Variants in CELSR1 observed in about 807,000 individuals in gnomAD.
The protein encoded by CELSR1 is adhesion G protein-coupled receptor C1.
A neutral mutation model predicts 249.1 loss-of-function variants in CELSR1; 110 were observed. That is an observed-to-expected ratio of 0.44 (90% CI 0.38 to 0.52). The LOEUF (loss-of-function observed/expected upper bound fraction) is 0.52. CELSR1 is among the 20% of genes least tolerant of loss of function. The pLI is 0.00. For missense variants in CELSR1, 4,109 were observed against 4,296.4 expected (o/e 0.96, Z 1.22); for synonymous variants, 2,113 against 1,900.0 (o/e 1.11, Z -2.92).
In CELSR1 at chr22:46,486,169, G is replaced by A. The variant is rs185669418; in HGVS notation, c.3545-21824C>T. Among the ~76,000 whole-genome samples the A allele has an allele frequency of 1.7e-4, 26 of 151,424 alleles. 1 individual carries two copies. In the East Asian group the frequency reaches 5.1e-3, roughly 30 times the overall value. ...TTAGCCAGGATGGTCTCGATCTCCT[G>A]ACCTCGTGATCCGCCAGCCTCGGCC... is the stretch of plus-strand genomic sequence containing the variant. On this transcript the variant is annotated intron_variant, in intron 1 of 34. Coordinates refer to ENST00000674500, the MANE Select transcript of CELSR1 (RefSeq NM_001378328.1).
intron 2 of CELSR1, among the ~76,000 whole-genome samples, chr22:46,439,760 T>A (rs372813409): frequency 5.9e-5 from 9 of 152,206 alleles, no homozygotes; most frequent in East Asian, 3.9e-4. Flanking sequence ...TGGACTCTTC[T>A]GAGGGGAACG....
intron 2 of CELSR1, among the ~76,000 whole-genome samples, chr22:46,449,830 G>C (rs1231470911): frequency 6.6e-6 from 1 of 152,156 alleles, no homozygotes; most frequent in Non-Finnish European, 1.5e-5. Context: ...ACCAGAAAGG[G>C]TGGGCACAGC....
chr22:46,508,124 G>A (rs986518667), intron 1 of CELSR1, among the ~76,000 whole-genome samples: 5 of 152,136 alleles, frequency 3.3e-5, no homozygotes, highest in South Asian at 2.1e-4. Flanking sequence ...TTTGTGACTC[G>A]GCCCTGCAGG....
intron 33 of CELSR1, 58 bp downstream of exon 33, chr22:46,364,454 G>C: frequency 6.4e-7 from 1 of 1,556,678 alleles, no homozygotes; most frequent in Non-Finnish European, 8.7e-7. Flanking sequence ...CTCCAGACCA[G>C]GGACTGGCCC....
chr22:46,373,396 T>C (rs1239838673), intron 24 of CELSR1, among the ~76,000 whole-genome samples: 1 of 147,074 alleles, frequency 6.8e-6, no homozygotes, highest in Non-Finnish European at 1.5e-5. Flanking sequence ...CCAAGGCAGC[T>C]TCACACCCAG....
Position 46,441,851 on chromosome 22 carries a change from T to C in CELSR1, c.4184-2440A>G, listed in dbSNP as rs545710371. ...GACTAGTGAACATTAAACTTTATTA[T>C]CCATTTTTAAAAATAAAGAGATCAC... is the stretch of plus-strand genomic sequence containing the variant. On this transcript the variant is annotated intron_variant, in intron 2 of 34. Transcript: ENST00000674500. The surrounding 1 kb of genome is among the most constrained non-coding windows in gnomAD (Gnocchi z 6.1). Among the ~76,000 whole-genome samples, 3 of 152,298 alleles carry C rather than the reference T, an allele frequency of 2.0e-5. No homozygotes were observed. In the South Asian group the frequency reaches 6.2e-4, roughly 32 times the overall value.
At position 46,464,153 on chromosome 22, in the gene CELSR1, T is replaced by C. The variant is rs377104478; in HGVS notation, c.3737A>G (p.Asn1246Ser). ...GCTGACGTCGGTGTCGTTCTGGACG[T>C]TGAAGACGAAGACGTCGTCCTTGGT... Reference protein sequence around the residue: ...STTKDDVFVFNVQNDTDVSSN... With the variant: ...STTKDDVFVFSVQNDTDVSSN... The change falls in exon 2 of 35, where the codon AAC (asparagine) becomes AGC (serine). Residue 1246 changes from asparagine to serine, a missense_variant. Transcript: ENST00000674500. The surrounding 1 kb of genome is among the most constrained non-coding windows in gnomAD (Gnocchi z 8.5). 6.2e-6 allele frequency: 10 copies of C among 1,613,774 alleles called. No individual in the cohort carries two copies. Among genetic ancestry groups the C allele is most frequent in the South Asian group, 2.2e-5 (2 of 91,084 alleles).
chr22:46,517,775 G>A lies in CELSR1; in HGVS notation c.3544+15852C>T, dbSNP rs188941411. ...GAAGCGAGGGCTGCATTGAAGAGGC[G>A]ACTCCCATGGCTATGGCACTTGGCA... is the stretch of plus-strand genomic sequence containing the variant. On this transcript the variant is annotated intron_variant, in intron 1 of 34. Coordinates refer to ENST00000674500, the MANE Select transcript of CELSR1 (RefSeq NM_001378328.1). The surrounding 1 kb of genome is among the most constrained non-coding windows in gnomAD (Gnocchi z 5.4). 7.2e-5 allele frequency among the ~76,000 whole-genome samples: 11 copies of A among 152,260 alleles called. No individual in the cohort carries two copies. The highest frequency in any genetic ancestry group is 4.1e-4 in the South Asian group (2 of 4,820).
chr22:46,424,287 C>T (rs1345593423), intron 5 of CELSR1, among the ~76,000 whole-genome samples: 1 of 151,612 alleles, frequency 6.6e-6, no homozygotes, highest in Non-Finnish European at 1.5e-5. Context: ...CTATGTTGCC[C>T]AGGCTGATCT....
At position 46,536,763 on chromosome 22, in the gene CELSR1, G is replaced by A. The variant is rs573452441; in HGVS notation, c.408C>T (p.Pro136=). The change falls in exon 1 of 35, where the codon CCC becomes CCT. Residue 136 remains proline, a synonymous_variant. Transcript: ENST00000674500. ...RLCGALCFPV[P]GGCAAAQHSA... ...AATGCTGCGCGGCCGCGCAGCCGCC[G>A]GGGACGGGGAAGCAGAGCGCCCCGC... 2,919 of 1,182,968 alleles carry A rather than the reference G, an allele frequency of 2.5e-3. 45 individuals are homozygous for A. The African/African-American group carries it at 0.038, about 15-fold the overall frequency. The allele number at this position is 1,182,968 out of a possible 1,614,324, so 73.3% of individuals were successfully genotyped here.
In CELSR1 at chr22:46,422,933, T is replaced by C. The variant is rs114739584; in HGVS notation, c.4611+10460A>G. Among the ~76,000 whole-genome samples, 1,457 of 152,316 alleles carry C rather than the reference T, an allele frequency of 9.6e-3. 22 individuals are homozygous for C. Among genetic ancestry groups the C allele is most frequent in the African/African-American group, 0.034 (1,404 of 41,550 alleles). On this transcript the variant is annotated intron_variant, in intron 5 of 34. Transcript: ENST00000674500. The stretch of plus-strand genomic sequence containing the variant: ...TTCCCATTGGTATCCACCTTTGCTA[T>C]AAGGGCCACGATGATGCCTCCTGCA...
chr22:46,393,117 A>C lies in CELSR1; in HGVS notation c.5964+1025T>G, dbSNP rs1454165977. Among the ~76,000 whole-genome samples the C allele has an allele frequency of 6.6e-5, 10 of 151,996 alleles. No individual in the cohort carries two copies. The highest frequency in any genetic ancestry group is 1.2e-4 in the Non-Finnish European group (8 of 67,940). On this transcript the variant is annotated intron_variant, in intron 14 of 34. Coordinates refer to ENST00000674500, the MANE Select transcript of CELSR1 (RefSeq NM_001378328.1). The surrounding 1 kb of genome is among the most constrained non-coding windows in gnomAD (Gnocchi z 4.1). ...GTGCCCTGGTACCAGCTTCCCTCCT[A>C]GGGCCAGCCGCATCTGCAGGAAGCT... is the stretch of plus-strand genomic sequence containing the variant.
intron 25 of CELSR1, among the ~76,000 whole-genome samples, chr22:46,370,858 T>G (rs190031495): frequency 5.9e-5 from 9 of 152,332 alleles, no homozygotes; most frequent in Non-Finnish European, 1.3e-4. Context: ...TTTTAAGATC[T>G]TGTACAAGAC....
At position 46,402,036 on chromosome 22, in the gene CELSR1, C is replaced by T. The variant is rs945525680; in HGVS notation, c.5227-2134G>A. Reference sequence around the variant, plus strand: ...TCGGGAGGCGGAGGTAGCAGTGAACCGAGATCACGCCACCGCACTCCAGCC... The same window carrying T: ...TCGGGAGGCGGAGGTAGCAGTGAACTGAGATCACGCCACCGCACTCCAGCC... On this transcript the variant is annotated intron_variant, in intron 9 of 34. Transcript: ENST00000674500. The surrounding 1 kb of genome is among the most constrained non-coding windows in gnomAD (Gnocchi z 5.0). Among the ~76,000 whole-genome samples the T allele has an allele frequency of 6.6e-6, 1 of 151,890 alleles. No individual in the cohort carries two copies. Among genetic ancestry groups the T allele is most frequent in the Admixed American group, 6.6e-5 (1 of 15,238 alleles).
In CELSR1 at chr22:46,406,111, G is replaced by A. The variant is rs557252142; in HGVS notation, c.5226+2885C>T. On this transcript the variant is annotated intron_variant, in intron 9 of 34. Transcript: ENST00000674500. The surrounding 1 kb of genome is among the most constrained non-coding windows in gnomAD (Gnocchi z 5.4). ...TTCCAGCACCATTCCTACTGAAAGC[G>A]CACTTTTTTCCTACAGAGACCCCAC... 4.0e-4 allele frequency among the ~76,000 whole-genome samples: 61 copies of A among 152,176 alleles called. No homozygotes were observed. The highest frequency in any genetic ancestry group is 7.6e-4 in the Non-Finnish European group (52 of 68,044).
chr22:46,375,539 CTTTTTTTTTTTTTT>C (rs971800051), intron 24 of CELSR1, among the ~76,000 whole-genome samples: 8 of 120,584 alleles, frequency 6.6e-5, no homozygotes, highest in Non-Finnish European at 1.7e-5. Context: ...CTGCCAGGCT[CTTTTTTTTTTTTTT>C]TTTTTTTTGA....
rs2079574420 is a variant in CELSR1 at position 46,429,849 on chromosome 22, A to C, written c.4611+3544T>G. Among the ~76,000 whole-genome samples, 1 of 152,222 alleles carries C rather than the reference A, an allele frequency of 6.6e-6. No individual in the cohort carries two copies. Among genetic ancestry groups the C allele is most frequent in the African/African-American group, 2.4e-5 (1 of 41,456 alleles). Reference sequence around the variant, plus strand: ...CCTTTCCCTTGATGCTCTAGGACTAAGGGCCATCGCAGCTCCGCTGGCACT... The same window carrying C: ...CCTTTCCCTTGATGCTCTAGGACTACGGGCCATCGCAGCTCCGCTGGCACT... On this transcript the variant is annotated intron_variant, in intron 5 of 34. Coordinates refer to ENST00000674500, the MANE Select transcript of CELSR1 (RefSeq NM_001378328.1). The surrounding 1 kb of genome is among the most constrained non-coding windows in gnomAD (Gnocchi z 4.1).
rs574978982 is a variant in CELSR1 at position 46,375,646 on chromosome 22, C to T, written c.7584+1415G>A. Among the ~76,000 whole-genome samples, 177 of 151,012 alleles carry T rather than the reference C, an allele frequency of 1.2e-3. 1 individual carries two copies. Among genetic ancestry groups the T allele is most frequent in the African/African-American group, 4.0e-3 (166 of 41,010 alleles). On this transcript the variant is annotated intron_variant, in intron 24 of 34. Coordinates refer to ENST00000674500, the MANE Select transcript of CELSR1 (RefSeq NM_001378328.1). ...GCAACCTCTGCCTCCCGGGTTCAAGCGATTCTCATGTTTCAGCCTCCCAAG... is the reference window on the plus strand; with the variant it reads ...GCAACCTCTGCCTCCCGGGTTCAAGTGATTCTCATGTTTCAGCCTCCCAAG...
intron 2 of CELSR1, among the ~76,000 whole-genome samples, chr22:46,442,955 G>A (rs949288899): frequency 2.0e-5 from 3 of 152,084 alleles, no homozygotes; most frequent in Admixed American, 6.5e-5. Flanking sequence ...AAAATTAACC[G>A]GGTGTGTTGG....
Sources: allele counts gnomAD v4.1 joint callset (sites outside exome capture counted in the v4.1 genomes callset), GRCh38; gene constraint gnomAD v4.1.1; non-coding constraint Gnocchi (gnomAD v3.1); transcripts MANE v1.5; gene names NCBI Gene and HGNC (gene_info 2026-07-23, HGNC 2026-07-21).